UVRAG: variants seen among roughly 807,000 people sequenced by gnomAD.
UVRAG encodes the protein UV radiation resistance associated.
UVRAG carries 19 observed loss-of-function variants against 78.0 expected under a neutral mutation model. The ratio of observed to expected loss-of-function variants is 0.24; its 90% CI spans 0.17 to 0.36. The LOEUF (loss-of-function observed/expected upper bound fraction) is 0.36, where lower values mean the gene tolerates loss of function less well. Among genes scored for constraint, UVRAG ranks in the 10% least tolerant of loss-of-function variants. The pLI is 1.00. For synonymous variants in UVRAG, 323 were observed against 324.6 expected (o/e 1.00, Z 0.05); for missense variants, 740 against 853.8 (o/e 0.87, Z 1.66).
At chr11:75,969,599 A>G (rs561897165) in intron 7 of UVRAG, among the ~76,000 whole-genome samples, 7 of 152,304 alleles carry the variant, frequency 4.6e-5, no homozygotes, top group Non-Finnish European at 1.0e-4. Flanking sequence ...GGAATATTCT[A>G]TGAAAGGCAT....
chr11:76,071,272 C>A (rs1951302612), intron 13 of UVRAG, among the ~76,000 whole-genome samples: 1 of 152,080 alleles, frequency 6.6e-6, no homozygotes, highest in African/African-American at 2.4e-5. Flanking sequence ...TGAATGATGA[C>A]AAGGAACTAG....
intron 7 of UVRAG, among the ~76,000 whole-genome samples, chr11:75,977,219 C>G (rs1353972421): frequency 6.6e-6 from 1 of 152,162 alleles, no homozygotes; most frequent in African/African-American, 2.4e-5. Flanking sequence ...TTTGATTGCA[C>G]TGTGGTCTGA....
chr11:75,901,773 T>C (rs1052077345), intron 5 of UVRAG, among the ~76,000 whole-genome samples: 5 of 152,226 alleles, frequency 3.3e-5, no homozygotes, highest in African/African-American at 1.2e-4. Context: ...ACTTATGAGG[T>C]CTTGCTATTC....
chr11:75,877,002 G>A (rs1268251410), intron 3 of UVRAG, among the ~76,000 whole-genome samples: 3 of 151,184 alleles, frequency 2.0e-5, no homozygotes, highest in South Asian at 2.1e-4. Context: ...GCGGCCTTCC[G>A]CAGTGTTTGT....
chr11:75,866,114 C>T (rs1349146353), intron 3 of UVRAG, among the ~76,000 whole-genome samples: 1 of 151,714 alleles, frequency 6.6e-6, no homozygotes, highest in Non-Finnish European at 1.5e-5. Context: ...AAAAATTACC[C>T]GGGAAGTTGA....
At chr11:76,065,006 C>T (rs1017483233) in intron 12 of UVRAG, among the ~76,000 whole-genome samples, 2 of 152,136 alleles carry the variant, frequency 1.3e-5, no homozygotes, top group African/African-American at 4.8e-5. Context: ...AACTTTTCTT[C>T]ATTTGCAGGT....
intron 8 of UVRAG, among the ~76,000 whole-genome samples, chr11:75,988,825 ATCTTT>A (rs1949548756): frequency 6.6e-6 from 1 of 152,136 alleles, no homozygotes; most frequent in Non-Finnish European, 1.5e-5. Context: ...GTGGCTGAGC[ATCTTT>A]TCTTGTGCTT....
rs145117257 is a variant in UVRAG, at chr11:76,101,450, G to T, written c.1306-14474G>T. 3.9e-3 allele frequency among the ~76,000 whole-genome samples: 593 copies of T among 151,958 alleles called. 6 individuals carry two copies. The highest frequency in any genetic ancestry group is 0.014 in the African/African-American group (571 of 41,476). ...TCCTTTGCTCTCTTTTAATGGGGTC[G>T]TTTGTTTTTCTCTTGCAAATTTGTT... On this transcript the variant is annotated intron_variant, in intron 13 of 14. Transcript: ENST00000356136.
chr11:76,129,276 A>C (rs1381195510), intron 14 of UVRAG, among the ~76,000 whole-genome samples: 1 of 152,256 alleles, frequency 6.6e-6, no homozygotes, highest in Admixed American at 6.5e-5. Context: ...AGTGTTTTAC[A>C]CAAGGGATCA....
At chr11:76,078,752 C>CAAAAAAAAAAA (rs61700855) in intron 13 of UVRAG, among the ~76,000 whole-genome samples, 3 of 37,200 alleles carry the variant, frequency 8.1e-5, no homozygotes, top group Admixed American at 4.6e-4. Context: ...ACTAAAAATA[C>CAAAAAAAAAAA]AAAAAAAAAA....
chr11:76,007,361 AT>A (rs1057197830), intron 9 of UVRAG, among the ~76,000 whole-genome samples, 172 bp from the exon 10 acceptor site: 94 of 152,246 alleles, frequency 6.2e-4, no homozygotes, highest in Non-Finnish European at 5.1e-4. Context: ...GATTGATACT[AT>A]TTGGAGATAG....
chr11:75,849,992 T>C (rs985860447), intron 1 of UVRAG, among the ~76,000 whole-genome samples: 1 of 151,954 alleles, frequency 6.6e-6, no homozygotes, highest in Non-Finnish European at 1.5e-5. Flanking sequence ...AGGACCCACA[T>C]ACCCCCAGAG....
chr11:75,902,390 A>C (rs1947523397), intron 5 of UVRAG, among the ~76,000 whole-genome samples: 1 of 152,150 alleles, frequency 6.6e-6, no homozygotes. Flanking sequence ...GTAGGGTTCG[A>C]GCTCCCATGA....
At chr11:75,907,757 G>C (rs76375905) in intron 5 of UVRAG, among the ~76,000 whole-genome samples, 1 of 151,370 alleles carries the variant, frequency 6.6e-6, no homozygotes, top group Non-Finnish European at 1.5e-5. Flanking sequence ...TCTAACTCCT[G>C]GGCTCTAGTG....
At chr11:75,830,395 G>A (rs1462577315) in intron 1 of UVRAG, among the ~76,000 whole-genome samples, 2 of 150,872 alleles carry the variant, frequency 1.3e-5, no homozygotes, top group African/African-American at 2.4e-5. Context: ...TCAGCCTGCC[G>A]AGTAGCTGGG....
chr11:76,081,237 G>A (rs1049435883), intron 13 of UVRAG, among the ~76,000 whole-genome samples: 2 of 150,780 alleles, frequency 1.3e-5, no homozygotes, highest in African/African-American at 4.9e-5. Context: ...AGATGGTCTC[G>A]CTCTGTTGCC....
chr11:75,920,760 A>G (rs1057140323), intron 6 of UVRAG, among the ~76,000 whole-genome samples: 2 of 152,172 alleles, frequency 1.3e-5, no homozygotes, highest in Non-Finnish European at 2.9e-5. Context: ...TATGTTTTCT[A>G]TATAATTTAT....
chr11:75,943,904 CT>C (rs1948534707), intron 6 of UVRAG, among the ~76,000 whole-genome samples: 1 of 152,120 alleles, frequency 6.6e-6, no homozygotes, highest in Admixed American at 6.6e-5. Flanking sequence ...GACTCCTGGT[CT>C]TTTGGGAAAC....
intron 5 of UVRAG, among the ~76,000 whole-genome samples, chr11:75,903,048 G>A (rs1404598803): frequency 1.8e-4 from 27 of 152,064 alleles, no homozygotes; most frequent in Admixed American, 1.8e-3. Context: ...TTTGGGTTCT[G>A]TCTCCGCTTT....
Sources: gnomAD v4.1 joint callset for allele counts (sites outside exome capture counted in the v4.1 genomes callset) on GRCh38, gnomAD v4.1.1 for gene constraint, MANE v1.5 for transcripts, NCBI Gene and HGNC (gene_info 2026-07-23, HGNC 2026-07-21) for gene names.